The following DOP1A variants were observed in gnomAD, a reference collection of about 807,000 sequenced individuals.
The protein encoded by DOP1A is DOP1 leucine zipper like protein A, also known as protein DOP1A.
DOP1A carries 90 observed loss-of-function variants against 267.6 expected under a neutral mutation model. That is an observed-to-expected ratio of 0.34 (90% CI 0.28 to 0.40). The LOEUF (loss-of-function observed/expected upper bound fraction) is 0.40. Among genes scored for constraint, DOP1A ranks in the 10% least tolerant of loss-of-function variants. The probability of loss-of-function intolerance (pLI) is 1.00; values close to 1 mark genes in which losing one functional copy is unlikely to be tolerated. For missense variants in DOP1A, 2,437 were observed against 2,900.4 expected (o/e 0.84, Z 3.67); for synonymous variants, 932 against 999.1 (o/e 0.93, Z 1.27).
intron 1 of DOP1A, among the ~76,000 whole-genome samples, chr6:83,083,928 GAGAA>G (rs1216328257): frequency 6.6e-5 from 10 of 152,130 alleles, no homozygotes; most frequent in South Asian, 6.2e-4. Context: ...AATTTGAAAT[GAGAA>G]AGAATCTGAT....
intron 1 of DOP1A, among the ~76,000 whole-genome samples, chr6:83,093,865 C>T (rs1216000717): frequency 6.6e-6 from 1 of 152,202 alleles, no homozygotes; most frequent in Non-Finnish European, 1.5e-5. Context: ...GAGATGGCGC[C>T]ACTGCACTCC....
chr6:83,136,199 A>G (rs1778840252), intron 20 of DOP1A, among the ~76,000 whole-genome samples: 1 of 152,162 alleles, frequency 6.6e-6, no homozygotes, highest in Non-Finnish European at 1.5e-5. Context: ...CTCTGTAGAT[A>G]CTTCATTGGG....
At chr6:83,136,545 A>G (rs1387888821) in intron 20 of DOP1A, among the ~76,000 whole-genome samples, 1 of 152,112 alleles carries the variant, frequency 6.6e-6, no homozygotes, top group Non-Finnish European at 1.5e-5. Flanking sequence ...CTAGAAGGCT[A>G]TGGCTTTCTC....
intron 36 of DOP1A, 100 bp from the exon 37 acceptor site, chr6:83,159,696 G>T: frequency 5.3e-6 from 7 of 1,325,654 alleles, no homozygotes; most frequent in Non-Finnish European, 7.5e-6. Context: ...ATTTATCTCA[G>T]GATGATTATG....
chr6:83,168,704 A>G, downstream of DOP1A: 1 of 996,002 alleles, frequency 1.0e-6, no homozygotes, highest in Non-Finnish European at 1.2e-6. Flanking sequence ...TGGAAGAGGG[A>G]TGGACAACCC....
At chr6:83,099,743 CATATATAT>C (rs1413481717) in intron 3 of DOP1A, among the ~76,000 whole-genome samples, 1 of 147,872 alleles carries the variant, frequency 6.8e-6, no homozygotes, top group South Asian at 2.1e-4. Flanking sequence ...CACACGTATA[CATATATAT>C]ACACATACAC....
Position 83,108,962 on chromosome 6 carries a change from T to G in DOP1A, c.373T>G (p.Leu125Val). The stretch of plus-strand genomic sequence containing the variant: ...TGCTGCCATGTCTGTGAAACCAACA[T>G]TGCTCAGTTTGTATGAGATATATTA... ...ANAAMSVKPT[L>V]LSLYEIYYLP... Residue 125 changes from leucine to valine, a missense_variant, in exon 5 of 39, where the codon TTG becomes GTG. This residue lies in a region of DOP1A where 251 missense variants were observed against 359.1 expected (regional missense o/e 0.70). Transcript: ENST00000349129. 1.2e-6 allele frequency: 2 copies of G among 1,613,770 alleles called. No individual in the cohort carries two copies. The highest frequency in any genetic ancestry group is 1.7e-6 in the Non-Finnish European group (2 of 1,179,824).
chr6:83,167,427 T>C (rs921187830), intron 38 of DOP1A: 8 of 982,718 alleles, frequency 8.1e-6, no homozygotes, highest in African/African-American at 5.2e-5. Context: ...AATTAACTAA[T>C]TATAATAAAA....
downstream of DOP1A, chr6:83,170,592 CT>C (rs1338318950): frequency 7.4e-6 from 6 of 810,192 alleles, no homozygotes; most frequent in East Asian, 5.0e-5. Flanking sequence ...TACATTAAAA[CT>C]TCTTTCTCCA....
intron 19 of DOP1A, among the ~76,000 whole-genome samples, chr6:83,135,176 C>A (rs1020231752): frequency 2.0e-5 from 3 of 152,098 alleles, no homozygotes; most frequent in Admixed American, 6.6e-5. Flanking sequence ...ACCACACTTT[C>A]ATACCTTCCA....
chr6:83,072,712 T>C lies in DOP1A; in HGVS notation c.-147+4933T>C, dbSNP rs141408972. On this transcript the variant is annotated intron_variant, in intron 1 of 38. Coordinates refer to ENST00000349129, the MANE Select transcript of DOP1A (RefSeq NM_015018.4). ...TAGCCCTACATTTTTCAGTTGCTTT[T>C]GATTGTGCTATTATATTATGAAAAG... Among the ~76,000 whole-genome samples, 99 of 152,350 alleles carry C rather than the reference T, an allele frequency of 6.5e-4. 1 individual carries two copies. In the East Asian group the frequency reaches 0.019, roughly 29 times the overall value.
chr6:83,132,264 A>C lies in DOP1A; in HGVS notation c.2705A>C (p.Asn902Thr), dbSNP rs535186756. Reference protein sequence around the residue: ...KSVELFYQLHNLVPSSSICED... With the variant: ...KSVELFYQLHTLVPSSSICED... The stretch of plus-strand genomic sequence containing the variant: ...GTGGAACTATTTTATCAATTACATA[A>C]CTTAGTTCCTTCTTCTAGCATCTGT... Residue 902 changes from asparagine (N) to threonine (T), a missense_variant, in exon 18 of 39, where the codon AAC becomes ACC. Transcript: ENST00000349129. 226 of 1,613,740 alleles carry C rather than the reference A, an allele frequency of 1.4e-4. 2 individuals are homozygous for C. The East Asian group carries it at 4.9e-3, about 35-fold the overall frequency.
intron 4 of DOP1A, among the ~76,000 whole-genome samples, chr6:83,102,573 T>C (rs571560640): frequency 1.3e-5 from 2 of 152,372 alleles, no homozygotes; most frequent in South Asian, 4.1e-4. Flanking sequence ...GAACCTTCAC[T>C]GGCAGCATGC....
intron 19 of DOP1A, 176 bp downstream of exon 19, chr6:83,134,463 C>T: frequency 4.0e-6 from 2 of 506,294 alleles, no homozygotes; most frequent in South Asian, 7.5e-5. Flanking sequence ...TTTTACTCAT[C>T]CACCAGGTTT....
At chr6:83,104,623 T>C (rs189578361) in intron 4 of DOP1A, among the ~76,000 whole-genome samples, 1 of 152,154 alleles carries the variant, frequency 6.6e-6, no homozygotes, top group Non-Finnish European at 1.5e-5. Context: ...GTGGGAAGAT[T>C]TGTAATTACA....
chr6:83,085,778 T>TTTATGTTATG (rs55657605), intron 1 of DOP1A, among the ~76,000 whole-genome samples: 5,490 of 143,012 alleles, frequency 0.038, 138 homozygotes, highest in Middle Eastern at 0.049. Flanking sequence ...TTTGCGGTAT[T>TTTATGTTATG]TTATGTTATG....
intron 11 of DOP1A, among the ~76,000 whole-genome samples, 161 bp downstream of exon 11, chr6:83,122,211 GTTGTAT>G (rs1460751085): frequency 1.3e-5 from 2 of 151,850 alleles, no homozygotes; most frequent in South Asian, 2.1e-4. Flanking sequence ...TGACATACTA[GTTGTAT>G]TGACAGTGCC....
chr6:83,099,216 T>A (rs1772083755), intron 3 of DOP1A, among the ~76,000 whole-genome samples: 1 of 152,128 alleles, frequency 6.6e-6, no homozygotes, highest in Non-Finnish European at 1.5e-5. Context: ...ACCAGGACAC[T>A]AGTTTTCAAC....
At chr6:83,136,521 C>T (rs1417641928) in intron 20 of DOP1A, among the ~76,000 whole-genome samples, 1 of 152,106 alleles carries the variant, frequency 6.6e-6, no homozygotes, top group Non-Finnish European at 1.5e-5. Flanking sequence ...TTTTACTGAG[C>T]AGGTTGCTGA....
Sources: gnomAD v4.1 joint callset for allele counts (sites outside exome capture counted in the v4.1 genomes callset) on GRCh38, gnomAD v4.1.1 for gene constraint, gnomAD v4.1.1 regional missense constraint, MANE v1.5 for transcripts, NCBI Gene and HGNC (gene_info 2026-07-23, HGNC 2026-07-21) for gene names.